The following EPN2 variants were observed in gnomAD, a reference collection of about 807,000 sequenced individuals.
The protein encoded by EPN2 is epsin 2.
EPN2 carries 34 observed loss-of-function variants against 61.7 expected under a neutral mutation model. The ratio of observed to expected loss-of-function variants is 0.55; its 90% confidence interval spans 0.42 to 0.73. EPN2 has a LOEUF of 0.73. Among genes scored for constraint, EPN2 ranks in the 30% least tolerant of loss-of-function variants. The pLI is 0.00. For missense variants in EPN2, 714 were observed against 839.2 expected, an observed-to-expected ratio of 0.85 and a Z score of 1.84; for synonymous variants, 349 against 353.6, an observed-to-expected ratio of 0.99 and a Z score of 0.15.
intron 7 of EPN2, among the ~76,000 whole-genome samples, chr17:19,324,720 A>T (rs1906788744): frequency 6.6e-6 from 1 of 152,180 alleles, no homozygotes; most frequent in African/African-American, 2.4e-5. Flanking sequence ...ATTAGTAAAA[A>T]AGATATAATG....
intron 1 of EPN2, among the ~76,000 whole-genome samples, chr17:19,253,496 C>T (rs2045038521): frequency 6.6e-6 from 1 of 150,664 alleles, no homozygotes; most frequent in Admixed American, 6.6e-5. Flanking sequence ...CTCACTGCAG[C>T]CTTGACTTCC....
Position 19,314,831 on chromosome 17 carries a change from G to A in EPN2, c.1147+1552G>A, listed in dbSNP as rs138392317. Among the ~76,000 whole-genome samples the A allele has an allele frequency of 7.2e-5, 11 of 152,358 alleles. 1 individual carries two copies. The highest frequency in any genetic ancestry group is 2.4e-4 in the African/African-American group (10 of 41,588). On this transcript the variant is annotated intron_variant, in intron 7 of 10. Coordinates refer to ENST00000314728, the MANE Select transcript of EPN2 (RefSeq NM_014964.5). Reference sequence around the variant, plus strand: ...GTTTTACTCACCACACATGGGGACTGTGGTGCCCCAGGGCTGGCAGACCCT... The same window carrying A: ...GTTTTACTCACCACACATGGGGACTATGGTGCCCCAGGGCTGGCAGACCCT...
chr17:19,299,058 C>A (rs1471731941), intron 4 of EPN2, among the ~76,000 whole-genome samples: 1 of 152,072 alleles, frequency 6.6e-6, no homozygotes, highest in Non-Finnish European at 1.5e-5. Flanking sequence ...AAATGTTTTC[C>A]AAACAGACTG....
intron 4 of EPN2, among the ~76,000 whole-genome samples, chr17:19,295,379 CAAAATA>C (rs1431940326): frequency 6.6e-6 from 1 of 151,068 alleles, no homozygotes; most frequent in Non-Finnish European, 1.5e-5. Context: ...CGCGTGCGCG[CAAAATA>C]GCCAGGTGTA....
chr17:19,295,661 T>A (rs1323935566), intron 4 of EPN2, among the ~76,000 whole-genome samples: 1 of 152,240 alleles, frequency 6.6e-6, no homozygotes, highest in East Asian at 1.9e-4. Flanking sequence ...TTCATAGTTG[T>A]TGTTTTTGTT....
chr17:19,308,400 T>C, intron 4 of EPN2: 1 of 985,444 alleles, frequency 1.0e-6, no homozygotes, highest in Non-Finnish European at 1.2e-6. Context: ...AAATGACCCG[T>C]TAACCATGAA....
Position 19,333,936 on chromosome 17 carries a change from C to G in EPN2, c.1628-20C>G. On this transcript the variant is annotated intron_variant, in intron 10 of 10. Coordinates refer to ENST00000314728, the MANE Select transcript of EPN2 (RefSeq NM_014964.5). The stretch of plus-strand genomic sequence containing the variant: ...CACACCCTGACGGCTCAGCCTCTGC[C>G]CCTCCTTCTGTCTCCCCAGGTGCTC... 1 of 1,515,206 alleles carries G rather than the reference C, an allele frequency of 6.6e-7. No individual in the cohort carries two copies. The highest frequency in any genetic ancestry group is 2.1e-5 in the Admixed American group (1 of 48,770). 93.9% of individuals were successfully genotyped at this position (1,515,206 alleles called of 1,614,324 possible). A position where few individuals can be genotyped will look rare whatever the true frequency, so the allele number is the denominator to read the frequency against.
At position 19,333,992 on chromosome 17, in the gene EPN2, A is replaced by T; in HGVS notation, c.1664A>T (p.Gln555Leu). Reference protein sequence around the residue: ...PATSAPVNPFQVNQPQPLTLN... With the variant: ...PATSAPVNPFLVNQPQPLTLN... Reference sequence around the variant, plus strand: ...ACCTCGGCCCCTGTTAACCCTTTCCAGGTGAACCAGCCCCAGCCGCTGACA... The same window carrying T: ...ACCTCGGCCCCTGTTAACCCTTTCCTGGTGAACCAGCCCCAGCCGCTGACA... The change falls in exon 11 of 11, where the codon CAG becomes CTG. Residue 555 changes from glutamine (Q) to leucine (L), a missense_variant. Physicochemically the swap from Gln to Leu is moderately radical, Grantham distance 113 (BLOSUM62 -2). Around this residue, in one of 2 missense-constraint regions of EPN2, gnomAD observed 410 missense variants for 421.8 expected, o/e 0.97. Transcript: ENST00000314728. 6 of 1,580,610 alleles carry T rather than the reference A, an allele frequency of 3.8e-6. No homozygotes were observed. Among genetic ancestry groups the T allele is most frequent in the Non-Finnish European group, 5.2e-6 (6 of 1,158,902 alleles).
In EPN2 at chr17:19,334,428, C is replaced by A; in HGVS notation, c.*174C>A. ...CCCCAACCCTCAGACCCTCGCCTTCCAAGGCAGGCCCCTCAGCCTGGCCTG... is the reference window on the plus strand; with the variant it reads ...CCCCAACCCTCAGACCCTCGCCTTCAAAGGCAGGCCCCTCAGCCTGGCCTG... On this transcript the variant is annotated 3_prime_UTR_variant, in exon 11 of 11. Transcript: ENST00000314728. The surrounding 1 kb of genome is among the most constrained non-coding windows in gnomAD (Gnocchi z 4.9). 2.1e-6 allele frequency: 1 copy of A among 472,890 alleles called. No individual in the cohort carries two copies. Among genetic ancestry groups the A allele is most frequent in the Non-Finnish European group, 3.5e-6 (1 of 284,936 alleles). The allele number at this position is 472,890 out of a possible 1,614,324, so 29.3% of individuals were successfully genotyped here.
intron 7 of EPN2, among the ~76,000 whole-genome samples, chr17:19,314,232 G>T (rs536360709): frequency 6.6e-6 from 1 of 152,182 alleles, no homozygotes; most frequent in Non-Finnish European, 1.5e-5. Context: ...GGAACACAGC[G>T]TAATAGCAGT....
intron 7 of EPN2, among the ~76,000 whole-genome samples, chr17:19,322,740 T>TA (rs59626137): frequency 0.014 from 1,476 of 102,682 alleles, 10 homozygotes; most frequent in African/African-American, 0.026. Context: ...AACCTGTCTC[T>TA]AAAAAAAAAA....
chr17:19,270,860 G>T (rs1032804313), intron 1 of EPN2, among the ~76,000 whole-genome samples: 1 of 152,174 alleles, frequency 6.6e-6, no homozygotes, highest in Non-Finnish European at 1.5e-5. Context: ...GTGCTGGTTC[G>T]TGTGGAGCAT....
intron 1 of EPN2, among the ~76,000 whole-genome samples, chr17:19,253,254 T>C (rs1303117762): frequency 6.6e-6 from 1 of 152,140 alleles, no homozygotes; most frequent in Middle Eastern, 3.2e-3. Context: ...TTCCTTCACC[T>C]AGTATGTTTT....
chr17:19,280,772 C>T (rs1477065928), intron 1 of EPN2, among the ~76,000 whole-genome samples: 3 of 152,154 alleles, frequency 2.0e-5, no homozygotes, highest in Admixed American at 6.5e-5. Flanking sequence ...GCTAGGTGTC[C>T]TTCAGTTCAA....
At chr17:19,307,622 C>T (rs1273293926) in intron 4 of EPN2, among the ~76,000 whole-genome samples, 4 of 152,220 alleles carry the variant, frequency 2.6e-5, no homozygotes, top group Non-Finnish European at 5.9e-5. Flanking sequence ...GGATTACAGG[C>T]GTGAGCCACT....
chr17:19,335,632 G>A lies in EPN2; in HGVS notation c.*1378G>A, dbSNP rs1026307639. 6 of 534,552 alleles carry A rather than the reference G, an allele frequency of 1.1e-5. No homozygotes were observed. The highest frequency in any genetic ancestry group is 1.9e-5 in the Non-Finnish European group (6 of 321,722). The allele number at this position is 534,552 out of a possible 1,614,324, so 33.1% of individuals were successfully genotyped here. ...GCTAAGACAGGGGTGGGGGGCTAAG[G>A]GACCAGGGCTGGCCCTGATCCACCT... On this transcript the variant is annotated 3_prime_UTR_variant, in exon 11 of 11. Transcript: ENST00000314728.
At chr17:19,308,716 TGA>T in intron 4 of EPN2, 2 of 981,290 alleles carry the variant, frequency 2.0e-6, no homozygotes, top group South Asian at 9.4e-5. Context: ...GGTCTTGTTC[TGA>T]GAGTTTTAGA....
intron 4 of EPN2, among the ~76,000 whole-genome samples, chr17:19,296,238 C>T (rs1490272147): frequency 6.6e-6 from 1 of 152,008 alleles, no homozygotes; most frequent in Non-Finnish European, 1.5e-5. Flanking sequence ...ACAACCTCTG[C>T]CTCCCAGGTT....
intron 4 of EPN2, among the ~76,000 whole-genome samples, chr17:19,297,754 A>C (rs1490047338): frequency 1.3e-5 from 2 of 152,242 alleles, no homozygotes; most frequent in Non-Finnish European, 2.9e-5. Context: ...ACCTTGGTGC[A>C]CTTGGCCACA....
Sources: gnomAD v4.1 joint callset for allele counts (sites outside exome capture counted in the v4.1 genomes callset) on GRCh38, gnomAD v4.1.1 for gene constraint, gnomAD v4.1.1 regional missense constraint, Gnocchi (gnomAD v3.1) non-coding constraint, MANE v1.5 for transcripts, NCBI Gene and HGNC (gene_info 2026-07-23, HGNC 2026-07-21) for gene names.